Variants in MGAT5 observed in about 807,000 individuals in gnomAD.
MGAT5 encodes alpha-1,6-mannosylglycoprotein 6-beta-N-acetylglucosaminyltransferase A.
In MGAT5, 30 loss-of-function variants were observed where a neutral mutation model predicts 94.3. That is an observed-to-expected ratio of 0.32 (90% CI 0.24 to 0.43). The LOEUF (loss-of-function observed/expected upper bound fraction) is 0.43, where lower values mean the gene tolerates loss of function less well. Among genes scored for constraint, MGAT5 ranks in the 20% least tolerant of loss-of-function variants. MGAT5 has a pLI of 1.00. For missense variants in MGAT5, 691 were observed against 905.5 expected (o/e 0.76, Z 3.04); for synonymous variants, 310 against 322.9 (o/e 0.96, Z 0.43).
chr2:134,138,262 C>G (rs952637925), intron 1 of MGAT5, among the ~76,000 whole-genome samples: 2 of 151,900 alleles, frequency 1.3e-5, no homozygotes, highest in African/African-American at 2.4e-5. Context: ...AATTTACTCG[C>G]TAAGAGTTAG....
intron 14 of MGAT5, among the ~76,000 whole-genome samples, chr2:134,429,389 A>C (rs1574081831): frequency 6.6e-6 from 1 of 152,168 alleles, no homozygotes; most frequent in Admixed American, 6.5e-5. Context: ...TGATATGCTG[A>C]GCTTTTGTTA....
At chr2:134,215,996 A>C (rs1680477095) in intron 1 of MGAT5, among the ~76,000 whole-genome samples, 1 of 152,080 alleles carries the variant, frequency 6.6e-6, no homozygotes, top group Admixed American at 6.5e-5. Flanking sequence ...AATGGACTCT[A>C]ATCTCCACTG....
Position 134,254,084 on chromosome 2 carries a change from C to T in MGAT5, c.-320C>T, listed in dbSNP as rs926269590. On this transcript the variant is annotated 5_prime_UTR_variant, in exon 1 of 16. Coordinates refer to ENST00000281923, the MANE Select transcript of MGAT5 (RefSeq NM_002410.5). ...CACTTCCCCCTTCATAATTGCTTAG[C>T]TTCTTGTTGCCTAGCCAGATTTCCC... Among the ~76,000 whole-genome samples, 5 of 152,244 alleles carry T rather than the reference C, an allele frequency of 3.3e-5. No individual in the cohort carries two copies. The highest frequency in any genetic ancestry group is 7.3e-5 in the Non-Finnish European group (5 of 68,038).
rs139627187 is a variant in MGAT5, at chr2:134,431,819, C to T, written c.1869+3380C>T. The stretch of plus-strand genomic sequence containing the variant: ...CAACAGACAGCAATCGAGGGCACGC[C>T]GGGCTTCAGTGTGCAGTTGAGCAGT... On this transcript the variant is annotated intron_variant, in intron 14 of 15. Transcript: ENST00000281923. 1.9e-4 allele frequency among the ~76,000 whole-genome samples: 29 copies of T among 152,306 alleles called. No homozygotes were observed. The East Asian group carries it at 5.0e-3, about 26-fold the overall frequency.
chr2:134,401,764 G>T (rs113577899), intron 10 of MGAT5, among the ~76,000 whole-genome samples: 1 of 152,182 alleles, frequency 6.6e-6, no homozygotes, highest in Non-Finnish European at 1.5e-5. Flanking sequence ...GGGTGGTCTT[G>T]CTCATTGCAA....
intron 1 of MGAT5, among the ~76,000 whole-genome samples, chr2:134,135,012 T>A (rs1229972361): frequency 6.6e-6 from 1 of 152,262 alleles, no homozygotes; most frequent in East Asian, 1.9e-4. Context: ...CCTGTATCAG[T>A]CCATCTTTGT....
intron 15 of MGAT5, among the ~76,000 whole-genome samples, chr2:134,447,222 G>A (rs763491010): frequency 1.3e-5 from 2 of 152,254 alleles, no homozygotes; most frequent in Admixed American, 1.3e-4. Flanking sequence ...CATCCCCTCC[G>A]TGTCAGCAGA....
intron 2 of MGAT5, among the ~76,000 whole-genome samples, chr2:134,308,962 T>G (rs965323116): frequency 2.0e-5 from 3 of 152,186 alleles, no homozygotes; most frequent in African/African-American, 7.2e-5. Context: ...TTTCATCACC[T>G]CAAAAAGAAA....
intron 2 of MGAT5, among the ~76,000 whole-genome samples, chr2:134,312,047 C>T (rs114539947): frequency 1.3e-5 from 2 of 152,216 alleles, no homozygotes; most frequent in African/African-American, 2.4e-5. Flanking sequence ...GCCAGGAGTT[C>T]GAGACCAGCC....
chr2:134,131,572 A>ATTTTTTTTT, intron 1 of MGAT5, among the ~76,000 whole-genome samples: 1 of 85,228 alleles, frequency 1.2e-5, no homozygotes. Context: ...TGGTAGATTG[A>ATTTTTTTTT]TTTTTTTTTT....
chr2:134,237,123 A>ATGTGTGTGTGTGTGTGTGTGTG (rs68003122), intron 1 of MGAT5, among the ~76,000 whole-genome samples: 4 of 140,722 alleles, frequency 2.8e-5, no homozygotes, highest in African/African-American at 7.7e-5. Flanking sequence ...GAAGGAGTAT[A>ATGTGTGTGTGTGTGTGTGTGTG]TGTGTGTGTG....
intron 2 of MGAT5, among the ~76,000 whole-genome samples, chr2:134,300,451 A>G (rs1231667746): frequency 1.3e-5 from 2 of 151,830 alleles, no homozygotes; most frequent in Non-Finnish European, 2.9e-5. Context: ...GTTAACCTTA[A>G]TGGAGTAAAG....
chr2:134,230,843 CA>C (rs1681322985), intron 1 of MGAT5, among the ~76,000 whole-genome samples: 2 of 152,116 alleles, frequency 1.3e-5, no homozygotes, highest in Admixed American at 6.6e-5. Context: ...CACACACACA[CA>C]CACCCATCAA....
intron 1 of MGAT5, among the ~76,000 whole-genome samples, chr2:134,123,671 T>C (rs1685716459): frequency 6.6e-6 from 1 of 152,094 alleles, no homozygotes; most frequent in Admixed American, 6.6e-5. Context: ...GGGGGTTTCG[T>C]ATGGTGAGTT....
intron 15 of MGAT5, 35 bp downstream of exon 15, chr2:134,441,950 C>G: frequency 6.2e-7 from 1 of 1,603,682 alleles, no homozygotes; most frequent in South Asian, 1.1e-5. Flanking sequence ...GGACTCAGCC[C>G]CTAGACTCCA....
chr2:134,306,439 A>G (rs1686334796), intron 2 of MGAT5, among the ~76,000 whole-genome samples: 1 of 152,142 alleles, frequency 6.6e-6, no homozygotes, highest in Admixed American at 6.6e-5. Context: ...ACTATACCTC[A>G]TACCCCACCA....
At chr2:134,356,233 C>G (rs1464892469) in intron 9 of MGAT5, among the ~76,000 whole-genome samples, 2 of 152,092 alleles carry the variant, frequency 1.3e-5, no homozygotes, top group East Asian at 3.9e-4. Context: ...GAAGCTATAA[C>G]AAAGTGGAGA....
chr2:134,313,089 CACAT>C (rs772559096), intron 2 of MGAT5, among the ~76,000 whole-genome samples: 4,385 of 104,166 alleles, frequency 0.042, 96 homozygotes, highest in South Asian at 0.11. Flanking sequence ...CACACACACA[CACAT>C]ATCTGTCTGG....
At chr2:134,351,231 T>A (rs991347274) in intron 9 of MGAT5, among the ~76,000 whole-genome samples, 7 of 152,142 alleles carry the variant, frequency 4.6e-5, no homozygotes, top group Non-Finnish European at 8.8e-5. Flanking sequence ...GCAAATTGAT[T>A]TTTGGCACGT....
Sources: allele counts gnomAD v4.1 joint callset (sites outside exome capture counted in the v4.1 genomes callset), GRCh38; gene constraint gnomAD v4.1.1; transcripts MANE v1.5; gene names NCBI Gene and HGNC (gene_info 2026-07-23, HGNC 2026-07-21).